MAMLD1: variants seen among roughly 807,000 people sequenced by gnomAD.
MAMLD1 encodes the protein mastermind-like domain-containing protein 1.
In MAMLD1, 14 loss-of-function variants were observed where a neutral mutation model predicts 45.0. That is an observed-to-expected ratio of 0.31 (90% CI 0.21 to 0.49). The LOEUF (loss-of-function observed/expected upper bound fraction) is 0.49, where lower values mean the gene tolerates loss of function less well. MAMLD1 is among the 20% of genes least tolerant of loss of function. The probability of loss-of-function intolerance (pLI) is 0.99; values close to 1 mark genes in which losing one functional copy is unlikely to be tolerated. For synonymous variants in MAMLD1, 254 were observed against 247.8 expected, an observed-to-expected ratio of 1.02 and a Z score of -0.24; for missense variants, 543 against 603.6, an observed-to-expected ratio of 0.90 and a Z score of 1.05.
intron 1 of MAMLD1, among the ~76,000 whole-genome samples, chrX:150,434,497 G>A (rs1040398145): frequency 2.2e-4 from 24 of 111,123 alleles, no homozygotes; most frequent in African/African-American, 7.2e-4. Context: ...CTGTAGTGGC[G>A]ATGTTAGGTT....
intron 1 of MAMLD1, among the ~76,000 whole-genome samples, chrX:150,427,867 T>C (rs782400241): frequency 9.0e-6 from 1 of 111,724 alleles, no homozygotes; most frequent in South Asian, 3.8e-4. Context: ...ATACTCCTCT[T>C]CCTTTCTTGC....
At chrX:150,449,449 T>C (rs1557404964) in intron 2 of MAMLD1, among the ~76,000 whole-genome samples, 1 of 111,687 alleles carries the variant, frequency 9.0e-6, no homozygotes, top group Admixed American at 9.5e-5. Context: ...TTCTTTAGAC[T>C]GGTGACCTTA....
chrX:150,472,531 G>T (rs1157876030), intron 4 of MAMLD1, among the ~76,000 whole-genome samples: 2 of 112,094 alleles, frequency 1.8e-5, no homozygotes, highest in East Asian at 5.6e-4. Flanking sequence ...CTGAGGCCTC[G>T]GTTTCTCATG....
At chrX:150,372,330 G>T (rs1289301959) in intron 1 of MAMLD1, among the ~76,000 whole-genome samples, 13 of 111,775 alleles carry the variant, frequency 1.2e-4, no homozygotes, top group African/African-American at 4.2e-4. Context: ...GGCTTGGCTG[G>T]GTGGGCTCCT....
chrX:150,362,445 CTCTCCTCTCA>C (rs1557400516), upstream of MAMLD1, among the ~76,000 whole-genome samples: 1 of 108,585 alleles, frequency 9.2e-6, no homozygotes, highest in African/African-American at 3.4e-5. Context: ...CTCTCCTCTC[CTCTCCTCTCA>C]TCTCCTCTCC....
intron 5 of MAMLD1, among the ~76,000 whole-genome samples, chrX:150,480,191 C>T (rs1011825564): frequency 2.7e-5 from 3 of 111,886 alleles, no homozygotes; most frequent in South Asian, 3.7e-4. Flanking sequence ...ACAAATCCCA[C>T]GATCTGGGCC....
chrX:150,398,367 GGAAGAGGAAGAA>G (rs2033606898), intron 1 of MAMLD1, among the ~76,000 whole-genome samples: 1 of 93,848 alleles, frequency 1.1e-5, no homozygotes, highest in African/African-American at 4.1e-5. Flanking sequence ...AAGAGGAAGA[GGAAGAGGAAGAA>G]GAAGAGGAAG....
chrX:150,501,163 G>A (rs1264571253), intron 5 of MAMLD1, among the ~76,000 whole-genome samples: 1 of 112,160 alleles, frequency 8.9e-6, no homozygotes, highest in Non-Finnish European at 1.9e-5. Context: ...GCAAGTCACA[G>A]GAAGCTACCA....
chrX:150,369,077 A>G (rs967033636), intron 1 of MAMLD1, among the ~76,000 whole-genome samples: 1 of 111,770 alleles, frequency 8.9e-6, no homozygotes, highest in Non-Finnish European at 1.9e-5. Context: ...ACTTTAAAGT[A>G]GTTTTTTCCA....
At chrX:150,389,694 G>T (rs1374831729) in intron 1 of MAMLD1, among the ~76,000 whole-genome samples, 2 of 112,108 alleles carry the variant, frequency 1.8e-5, no homozygotes, top group African/African-American at 6.5e-5. Flanking sequence ...TGCAGATTCT[G>T]TCTAGCAGTT....
At chrX:150,373,472 A>T (rs112753382) in intron 1 of MAMLD1, among the ~76,000 whole-genome samples, 7,030 of 108,858 alleles carry the variant, frequency 0.065, 236 homozygotes, top group Middle Eastern at 0.11. Flanking sequence ...TCTCTCACAC[A>T]CACACACACA....
intron 2 of MAMLD1, among the ~76,000 whole-genome samples, chrX:150,448,652 C>G (rs2035566807): frequency 8.9e-6 from 1 of 112,340 alleles, no homozygotes; most frequent in Admixed American, 9.4e-5. Flanking sequence ...ATAAGGCATC[C>G]AGTCTCTGCA....
chrX:150,470,484 C>A lies in MAMLD1; in HGVS notation c.911C>A (p.Ala304Asp). 8.3e-7 allele frequency: 1 copy of A among 1,212,042 alleles called. No individual in the cohort carries two copies. The highest frequency in any genetic ancestry group is 1.8e-5 in the South Asian group (1 of 57,012). ...PPLPVPQWHH[A>D]HQLKALAASK... ...TTACCAGTGCCTCAGTGGCATCACGCCCACCAGCTGAAGGCGTTGGCAGCC... is the reference window on the plus strand; with the variant it reads ...TTACCAGTGCCTCAGTGGCATCACGACCACCAGCTGAAGGCGTTGGCAGCC... Residue 304 changes from alanine (A) to aspartate (D), a missense_variant, in exon 4 of 8, where the codon GCC (alanine) becomes GAC (aspartate). Ala to Asp is a moderately radical substitution (Grantham distance 126). Transcript: ENST00000370401.
chrX:150,420,927 A>T (rs2034479077), intron 1 of MAMLD1: 1 of 113,045 alleles, frequency 8.8e-6, no homozygotes, highest in Non-Finnish European at 1.9e-5. Flanking sequence ...TGGAGCCTAC[A>T]GAGGCAGGCA....
chrX:150,501,686 T>A (rs2037558587), intron 5 of MAMLD1, among the ~76,000 whole-genome samples: 1 of 112,780 alleles, frequency 8.9e-6, no homozygotes, highest in African/African-American at 3.2e-5. Flanking sequence ...AGTTAGGTTG[T>A]CTTCTTATTC....
chrX:150,504,711 T>C (rs1198654595), intron 6 of MAMLD1: 9 of 751,139 alleles, frequency 1.2e-5, no homozygotes, highest in Non-Finnish European at 1.1e-5. Flanking sequence ...TTGAGAATTA[T>C]TGTCCCTCAC....
intron 2 of MAMLD1, 85 bp from the exon 3 acceptor site, chrX:150,462,686 TC>T: frequency 3.2e-6 from 2 of 625,675 alleles, no homozygotes; most frequent in Non-Finnish European, 5.5e-6. Flanking sequence ...AACAGTCTGA[TC>T]TGTGCCTCTC....
At chrX:150,473,858 G>T in intron 5 of MAMLD1, 56 bp downstream of exon 5, 1 of 1,152,706 alleles carries the variant, frequency 8.7e-7, no homozygotes, top group Non-Finnish European at 1.2e-6. Flanking sequence ...TAGACTGATT[G>T]TGTTGTCCCA....
chrX:150,427,437 T>A (rs1211272313), intron 1 of MAMLD1, among the ~76,000 whole-genome samples: 1 of 112,176 alleles, frequency 8.9e-6, no homozygotes, highest in Non-Finnish European at 1.9e-5. Context: ...AATTTCACCC[T>A]TGAAAAATGA....
Sources: gnomAD v4.1 joint callset for allele counts (sites outside exome capture counted in the v4.1 genomes callset) on GRCh38, gnomAD v4.1.1 for gene constraint, MANE v1.5 for transcripts, NCBI Gene and HGNC (gene_info 2026-07-23, HGNC 2026-07-21) for gene names.